Variants in RASSF3 observed in about 807,000 individuals in gnomAD.
The protein encoded by RASSF3 is ras association domain-containing protein 3.
In RASSF3, 19 loss-of-function variants were observed where a neutral mutation model predicts 19.9. The observed-to-expected ratio is 0.96, with a 90% confidence interval of 0.67 to 1.40. RASSF3 has a LOEUF of 1.40. RASSF3 is among the 40% of genes most tolerant of loss of function. The pLI is 0.00. For missense variants in RASSF3, 306 were observed against 289.8 expected, an observed-to-expected ratio of 1.06 and a Z score of -0.41; for synonymous variants, 110 against 104.2, an observed-to-expected ratio of 1.06 and a Z score of -0.34.
intron 2 of RASSF3, among the ~76,000 whole-genome samples, chr12:64,584,879 CTTTTTT>C (rs34522445): frequency 7.4e-5 from 6 of 80,800 alleles, no homozygotes; most frequent in Non-Finnish European, 1.3e-4. Context: ...CAGAAGGATT[CTTTTTT>C]TTTTTTTTTT....
intron 1 of RASSF3, among the ~76,000 whole-genome samples, chr12:64,520,324 G>A (rs527905017): frequency 8.6e-5 from 13 of 151,714 alleles, no homozygotes; most frequent in African/African-American, 2.2e-4. Flanking sequence ...CGCCATGCCC[G>A]GCTAATTTTT....
intron 1 of RASSF3, among the ~76,000 whole-genome samples, chr12:64,539,301 T>G (rs1361244047): frequency 6.6e-6 from 1 of 152,044 alleles, no homozygotes. Flanking sequence ...ACCGGTCTCA[T>G]CATGGGGGCC....
chr12:64,553,643 CTACG>C (rs1869203408), intron 2 of RASSF3, among the ~76,000 whole-genome samples: 1 of 152,126 alleles, frequency 6.6e-6, no homozygotes, highest in Non-Finnish European at 1.5e-5. Context: ...CATCCAGCCT[CTACG>C]TAAGCATTTC....
intron 1 of RASSF3, among the ~76,000 whole-genome samples, chr12:64,638,982 TGA>T (rs1871420058): frequency 6.6e-6 from 1 of 152,222 alleles, no homozygotes; most frequent in African/African-American, 2.4e-5. Flanking sequence ...TTTGCATGTG[TGA>T]GAGACATTGT....
chr12:64,628,179 C>CA (rs1871054909), intron 1 of RASSF3, among the ~76,000 whole-genome samples: 2 of 152,116 alleles, frequency 1.3e-5, no homozygotes, highest in African/African-American at 4.8e-5. Flanking sequence ...CTAGTGCCAA[C>CA]AAGAACAAGT....
intron 1 of RASSF3, among the ~76,000 whole-genome samples, chr12:64,678,648 C>CAAAAAAAAAAAAAAAAAAA (rs767180678): frequency 1.4e-4 from 13 of 90,900 alleles, no homozygotes; most frequent in Non-Finnish European, 2.3e-4. Flanking sequence ...TCCGTAATAC[C>CAAAAAAAAAAAAAAAAAAA]AAAAAAAAAA....
chr12:64,582,779 CTGTT>C (rs1201791036), intron 2 of RASSF3, among the ~76,000 whole-genome samples: 2 of 152,142 alleles, frequency 1.3e-5, no homozygotes, highest in Admixed American at 6.6e-5. Context: ...TAGCTTCTAA[CTGTT>C]TGGGGCTTTC....
rs560626231 is a variant in RASSF3 at position 64,689,160 on chromosome 12, A to G, written c.457+707A>G. Among the ~76,000 whole-genome samples, 5 of 152,132 alleles carry G rather than the reference A, an allele frequency of 3.3e-5. No homozygotes were observed. In the South Asian group the frequency reaches 1.0e-3, roughly 32 times the overall value. On this transcript the variant is annotated intron_variant, in intron 3 of 4. Coordinates refer to ENST00000542104, the MANE Select transcript of RASSF3 (RefSeq NM_178169.4). ...ATTCCAGGTCAGGCAGTGACCAGAAATTGATAACATTGGTGGACAGTAGTG... is the reference window on the plus strand; with the variant it reads ...ATTCCAGGTCAGGCAGTGACCAGAAGTTGATAACATTGGTGGACAGTAGTG...
exon 2 of RASSF3, chr12:64,541,634 C>T (rs1868935878): frequency 2.5e-6 from 1 of 398,402 alleles, no homozygotes; most frequent in African/African-American, 2.1e-5. Context: ...TCTGGATTAT[C>T]CACAAAATGG....
At chr12:64,599,283 C>T (rs537157960) in intron 2 of RASSF3, 1 of 152,250 alleles carries the variant, frequency 6.6e-6, no homozygotes, top group African/African-American at 2.4e-5. Context: ...AAAAAAAGTT[C>T]AGGATCTCCC....
chr12:64,614,861 CT>C (rs369976100), intron 1 of RASSF3, among the ~76,000 whole-genome samples: 19 of 146,460 alleles, frequency 1.3e-4, no homozygotes, highest in Admixed American at 1.4e-4. Flanking sequence ...CCAGGCCTGG[CT>C]TTTTTTTTTG....
rs1364001642 is a variant in RASSF3 at position 64,688,253 on chromosome 12, A to T, written c.257A>T (p.Gln86Leu). ...NGIYTGFIKV[Q>L]MELCKPPQTS... ...ATTTACACTGGCTTCATTAAAGTAC[A>T]GATGGAACTCTGCAAACCTCCACAG... Residue 86 changes from glutamine (Q) to leucine (L), a missense_variant, in exon 3 of 5, where the codon CAG (glutamine) becomes CTG (leucine). By Grantham distance (113) the Gln-to-Leu change is moderately radical. Transcript: ENST00000542104. 1.2e-6 allele frequency: 2 copies of T among 1,614,052 alleles called. No individual in the cohort carries two copies. The highest frequency in any genetic ancestry group is 8.5e-7 in the Non-Finnish European group (1 of 1,179,994).
intron 2 of RASSF3, among the ~76,000 whole-genome samples, chr12:64,584,146 A>T (rs1869751265): frequency 6.6e-6 from 1 of 152,212 alleles, no homozygotes; most frequent in African/African-American, 2.4e-5. Context: ...TATGAGCTGC[A>T]GCAAAACTCA....
chr12:64,585,843 C>T (rs1298153911), intron 2 of RASSF3, among the ~76,000 whole-genome samples: 2 of 151,922 alleles, frequency 1.3e-5, no homozygotes, highest in African/African-American at 4.8e-5. Context: ...TGGGCTCAAG[C>T]GATCCTCCTG....
At chr12:64,622,734 C>T in intron 1 of RASSF3, 1 of 264,550 alleles carries the variant, frequency 3.8e-6, no homozygotes, top group Non-Finnish European at 7.5e-6. Flanking sequence ...TGAAGAGTTA[C>T]TTCTGACTTT....
Position 64,688,341 on chromosome 12 carries a change from C to G in RASSF3, c.345C>G (p.Ile115Met). 4 of 1,614,114 alleles carry G rather than the reference C, an allele frequency of 2.5e-6. No homozygotes were observed. The highest frequency in any genetic ancestry group is 3.4e-6 in the Non-Finnish European group (4 of 1,179,966). Residue 115 changes from isoleucine (I) to methionine (M), a missense_variant, in exon 3 of 5, where the codon ATC (isoleucine) becomes ATG (methionine). Ile to Met is a conservative substitution (Grantham distance 10). Coordinates refer to ENST00000542104, the MANE Select transcript of RASSF3 (RefSeq NM_178169.4). ...ATGGCTGTATGAATACACTTCATAT[C>G]AGCAGCACAAACACTGTCGGGGAAG... ...SSNGCMNTLH[I>M]SSTNTVGEVI...
chr12:64,655,940 T>C lies in RASSF3; in HGVS notation c.112-28847T>C, dbSNP rs1360419917. On this transcript the variant is annotated intron_variant, in intron 1 of 4. Coordinates refer to ENST00000542104, the MANE Select transcript of RASSF3 (RefSeq NM_178169.4). ...TACTTGGGAGGCTAAGGCAGGAAAA[T>C]TGCTTAAACCCAGGAGATGGAGGTT... is the stretch of plus-strand genomic sequence containing the variant. Among the ~76,000 whole-genome samples, 4 of 150,774 alleles carry C rather than the reference T, an allele frequency of 2.7e-5. No individual in the cohort carries two copies. The Admixed American group carries it at 2.7e-4, about 10-fold the overall frequency.
At chr12:64,689,220 GGTGTGTGT>G (rs10688391) in intron 3 of RASSF3, among the ~76,000 whole-genome samples, 8 of 147,444 alleles carry the variant, frequency 5.4e-5, no homozygotes, top group Non-Finnish European at 1.0e-4. Flanking sequence ...TTGAAATCGG[GGTGTGTGT>G]GTGTGTGTGT....
chr12:64,653,113 G>C (rs1251479308), intron 1 of RASSF3, among the ~76,000 whole-genome samples: 2 of 152,160 alleles, frequency 1.3e-5, no homozygotes, highest in Non-Finnish European at 2.9e-5. Context: ...GTGTCACCCA[G>C]GTTGGAGTAC....
Sources: gnomAD v4.1 joint callset for allele counts (sites outside exome capture counted in the v4.1 genomes callset) on GRCh38, gnomAD v4.1.1 for gene constraint, MANE v1.5 for transcripts, NCBI Gene and HGNC (gene_info 2026-07-23, HGNC 2026-07-21) for gene names.